TNRC18: variants seen among roughly 807,000 people sequenced by gnomAD.
TNRC18 encodes the protein trinucleotide repeat-containing gene 18 protein.
TNRC18 carries 69 observed loss-of-function variants against 226.7 expected under a neutral mutation model. That is an observed-to-expected ratio of 0.30 (90% confidence interval 0.25 to 0.37). The LOEUF is 0.37. Among genes scored for constraint, TNRC18 ranks in the 10% least tolerant of loss-of-function variants. The pLI is 1.00. For synonymous variants in TNRC18, 2,449 were observed against 1,927.6 expected, an observed-to-expected ratio of 1.27 and a Z score of -7.09; for missense variants, 4,754 against 4,256.6, an observed-to-expected ratio of 1.12 and a Z score of -3.25.
At chr7:5,406,788 T>A (rs1261143426) in intron 2 of TNRC18, among the ~76,000 whole-genome samples, 1 of 150,354 alleles carries the variant, frequency 6.7e-6, no homozygotes, top group Non-Finnish European at 1.5e-5. Flanking sequence ...GAGGCAGAGG[T>A]TGCAGTGAGC....
chr7:5,377,013 C>A lies in TNRC18; in HGVS notation c.2462-20G>T, dbSNP rs534695818. The A allele has an allele frequency of 2.7e-5, 42 of 1,563,476 alleles. No individual in the cohort carries two copies. The highest frequency in any genetic ancestry group is 3.4e-5 in the Non-Finnish European group (39 of 1,155,136). On this transcript the variant is annotated intron_variant, in intron 7 of 29. Transcript: ENST00000430969. The surrounding 1 kb of genome is among the most constrained non-coding windows in gnomAD (Gnocchi z 5.8). The stretch of plus-strand genomic sequence containing the variant: ...CCAAGCCTAGGAGGAGAAGCCCAGG[C>A]CTGAGTCAGTGCTGGGAGCCCCCAA...
chr7:5,395,147 G>A (rs1305674584), intron 2 of TNRC18, among the ~76,000 whole-genome samples: 3 of 152,238 alleles, frequency 2.0e-5, no homozygotes, highest in Admixed American at 6.5e-5. Context: ...GAGGCTCAGA[G>A]ATGGGAAGTG....
intron 9 of TNRC18, among the ~76,000 whole-genome samples, chr7:5,375,117 C>A (rs905298556): frequency 6.6e-5 from 10 of 151,826 alleles, no homozygotes; most frequent in African/African-American, 2.4e-4. Context: ...CCAGCCTGGC[C>A]AACATGGCGA....
intron 2 of TNRC18, among the ~76,000 whole-genome samples, chr7:5,410,117 C>T (rs143072931): frequency 6.6e-6 from 1 of 150,394 alleles, no homozygotes; most frequent in East Asian, 1.9e-4. Flanking sequence ...TTGAGACCAG[C>T]CTGGCCAACC....
intron 10 of TNRC18, among the ~76,000 whole-genome samples, chr7:5,373,661 G>C (rs914252726): frequency 6.6e-6 from 1 of 152,176 alleles, no homozygotes; most frequent in African/African-American, 2.4e-5. Context: ...GACGGCAAGA[G>C]CGGGTGTGTG....
chr7:5,355,859 T>G (rs564962249), intron 16 of TNRC18, among the ~76,000 whole-genome samples: 1 of 150,392 alleles, frequency 6.6e-6, no homozygotes, highest in South Asian at 2.1e-4. Context: ...GCCTAAGCAA[T>G]AAGAAGAGAC....
chr7:5,339,968 C>T (rs1192099191), intron 18 of TNRC18, among the ~76,000 whole-genome samples: 1 of 152,100 alleles, frequency 6.6e-6, no homozygotes, highest in African/African-American at 2.4e-5. Flanking sequence ...CTTGGGCCTC[C>T]CTATTCCCTA....
intron 24 of TNRC18, among the ~76,000 whole-genome samples, chr7:5,318,687 C>T (rs1002028955): frequency 5.3e-5 from 8 of 152,042 alleles, no homozygotes; most frequent in African/African-American, 1.7e-4. Flanking sequence ...AGCAGGTCTC[C>T]TACAATGATT....
chr7:5,307,910 A>T lies in TNRC18; in HGVS notation c.*196T>A. ...CTGAGGGGTTGGAAGGTGGGGCTGG[A>T]GGCATGTGCACATGCGTGCACACAC... On this transcript the variant is annotated 3_prime_UTR_variant, in exon 30 of 30. Transcript: ENST00000430969. The T allele has an allele frequency of 1.7e-6, 1 of 598,420 alleles. No individual in the cohort carries two copies. The highest frequency in any genetic ancestry group is 2.0e-5 in the South Asian group (1 of 50,156). 37.1% of individuals were successfully genotyped at this position (598,420 alleles called of 1,614,324 possible). A position where few individuals can be genotyped will look rare whatever the true frequency, so the allele number is the denominator to read the frequency against.
intron 16 of TNRC18, among the ~76,000 whole-genome samples, chr7:5,354,545 G>C (rs145091302): frequency 6.6e-6 from 1 of 152,080 alleles, no homozygotes; most frequent in East Asian, 1.9e-4. Flanking sequence ...CTCTGGCACT[G>C]TCTCTTCCTG....
chr7:5,386,335 C>T (rs1363495607), intron 5 of TNRC18, among the ~76,000 whole-genome samples: 3 of 151,326 alleles, frequency 2.0e-5, no homozygotes, highest in Non-Finnish European at 2.9e-5. Flanking sequence ...TCAGTACTTT[C>T]GGAGGCCAAG....
intron 11 of TNRC18, among the ~76,000 whole-genome samples, chr7:5,366,736 G>A (rs2128167731): frequency 6.6e-6 from 1 of 152,290 alleles, no homozygotes; most frequent in South Asian, 2.1e-4. Context: ...CCCGCCTCGA[G>A]GTCCTGCGAG....
rs1779042144 is a variant in TNRC18 at position 5,377,183 on chromosome 7, A to C, written c.2461+188T>G. ...GCCACCCGCATTGGGCATCTGCCCC[A>C]AACAGGCATGGCAGAGGGGCCCCAC... On this transcript the variant is annotated intron_variant, in intron 7 of 29. Coordinates refer to ENST00000430969, the MANE Select transcript of TNRC18 (RefSeq NM_001080495.3). The surrounding 1 kb of genome is among the most constrained non-coding windows in gnomAD (Gnocchi z 5.8). Among the ~76,000 whole-genome samples the C allele has an allele frequency of 6.6e-6, 1 of 152,172 alleles. No individual in the cohort carries two copies.
chr7:5,405,750 AAAAAAT>A (rs1781423737), intron 2 of TNRC18, among the ~76,000 whole-genome samples: 4 of 152,110 alleles, frequency 2.6e-5, no homozygotes, highest in Admixed American at 2.0e-4. Context: ...TCTCAAAAAC[AAAAAAT>A]AAAAATAAAA....
intron 2 of TNRC18, among the ~76,000 whole-genome samples, chr7:5,411,022 A>G (rs1430623761): frequency 6.6e-6 from 1 of 151,908 alleles, no homozygotes; most frequent in Non-Finnish European, 1.5e-5. Context: ...CCTGGCCAAC[A>G]TGGTGAAACT....
intron 2 of TNRC18, among the ~76,000 whole-genome samples, chr7:5,401,432 A>G (rs1481622894): frequency 6.6e-6 from 1 of 151,082 alleles, no homozygotes; most frequent in African/African-American, 2.4e-5. Flanking sequence ...TAACTCCTTC[A>G]CTCCCTTCTC....
chr7:5,345,427 C>T, intron 18 of TNRC18, 135 bp downstream of exon 18: 1 of 877,588 alleles, frequency 1.1e-6, no homozygotes, highest in Non-Finnish European at 1.7e-6. Flanking sequence ...CGGGGCTGGC[C>T]CACGAGGCTG....
intron 17 of TNRC18, among the ~76,000 whole-genome samples, chr7:5,350,437 C>T (rs932111939): frequency 3.2e-5 from 2 of 61,998 alleles, no homozygotes; most frequent in South Asian, 4.0e-4. Context: ...ACAGGGCGGG[C>T]GGGGGGCGGG....
In TNRC18 at chr7:5,307,520, C is replaced by G. The variant is rs554086966; in HGVS notation, c.*586G>C. 1 of 447,086 alleles carries G rather than the reference C, an allele frequency of 2.2e-6. No homozygotes were observed. 27.7% of individuals were successfully genotyped at this position (447,086 alleles called of 1,614,324 possible). On this transcript the variant is annotated 3_prime_UTR_variant, in exon 30 of 30. Coordinates refer to ENST00000430969, the MANE Select transcript of TNRC18 (RefSeq NM_001080495.3). ...CACCTGGTGCCTTTGACAGACACTC[C>G]GGGCTGCAACCCCACCCGGCTCTGT...
Sources: gnomAD v4.1 joint callset for allele counts (sites outside exome capture counted in the v4.1 genomes callset) on GRCh38, gnomAD v4.1.1 for gene constraint, Gnocchi (gnomAD v3.1) non-coding constraint, MANE v1.5 for transcripts, NCBI Gene and HGNC (gene_info 2026-07-23, HGNC 2026-07-21) for gene names.